The following RAPGEF4 variants were observed in gnomAD, a reference collection of about 807,000 sequenced individuals.
The protein encoded by RAPGEF4 is Rap guanine nucleotide exchange factor 4.
Under a neutral mutation model 147.9 loss-of-function variants are expected in RAPGEF4, and 66 were observed. The ratio of observed to expected loss-of-function variants is 0.45; its 90% CI spans 0.37 to 0.55. The LOEUF (loss-of-function observed/expected upper bound fraction) is 0.55, where lower values mean the gene tolerates loss of function less well. Ranked by LOEUF, RAPGEF4 falls within the 20% of genes least tolerant of loss-of-function variation. The pLI, the probability that RAPGEF4 is intolerant of heterozygous loss-of-function variation, is 0.00. For synonymous variants in RAPGEF4, 419 were observed against 442.7 expected, an observed-to-expected ratio of 0.95 and a Z score of 0.67; for missense variants, 1,071 against 1,257.3, an observed-to-expected ratio of 0.85 and a Z score of 2.24.
chr2:172,972,066 G>T (rs1212074623), intron 10 of RAPGEF4, among the ~76,000 whole-genome samples: 1 of 115,142 alleles, frequency 8.7e-6, no homozygotes, highest in Non-Finnish European at 1.7e-5. Context: ...TGGATTAAAT[G>T]ACATAAAGGC....
intron 4 of RAPGEF4, among the ~76,000 whole-genome samples, chr2:172,914,573 G>A (rs534191455): frequency 1.3e-5 from 2 of 151,456 alleles, no homozygotes; most frequent in South Asian, 4.2e-4. Context: ...GAGGGAGGAA[G>A]GGAAGGAGGG....
At chr2:172,775,539 A>C (rs1684077882) in intron 1 of RAPGEF4, among the ~76,000 whole-genome samples, 1 of 152,202 alleles carries the variant, frequency 6.6e-6, no homozygotes, top group Non-Finnish European at 1.5e-5. Context: ...AGTGAGGCAT[A>C]TTGGAAATTT....
chr2:172,738,680 C>T (rs754317078), intron 1 of RAPGEF4, among the ~76,000 whole-genome samples: 1 of 152,008 alleles, frequency 6.6e-6, no homozygotes, highest in Non-Finnish European at 1.5e-5. Context: ...CAACCCTGCA[C>T]AAAAGAGAAA....
intron 1 of RAPGEF4, among the ~76,000 whole-genome samples, chr2:172,740,385 G>A (rs1341263679): frequency 6.6e-6 from 1 of 152,288 alleles, no homozygotes; most frequent in East Asian, 1.9e-4. Context: ...AGTTAACATG[G>A]TTATTCAAAA....
chr2:172,881,618 C>T lies in RAPGEF4; in HGVS notation c.445-36184C>T, dbSNP rs3769282. 9.8e-5 allele frequency among the ~76,000 whole-genome samples: 15 copies of T among 152,302 alleles called. No individual in the cohort carries two copies. In the East Asian group the frequency reaches 2.9e-3, roughly 29 times the overall value. ...AGGTCTTGGATCTGCTAGTTAGTTG[C>T]TGTGTGAGCTCAGTTTCATCTTCTC... On this transcript the variant is annotated intron_variant, in intron 4 of 30. Coordinates refer to ENST00000397081, the MANE Select transcript of RAPGEF4 (RefSeq NM_007023.4).
chr2:172,896,098 T>C (rs1698446887), intron 4 of RAPGEF4, among the ~76,000 whole-genome samples: 1 of 152,196 alleles, frequency 6.6e-6, no homozygotes, highest in Non-Finnish European at 1.5e-5. Flanking sequence ...TATGCCAGAT[T>C]ACATGAACTG....
chr2:172,937,562 C>T (rs1486275112), intron 6 of RAPGEF4, among the ~76,000 whole-genome samples: 1 of 152,110 alleles, frequency 6.6e-6, no homozygotes, highest in Non-Finnish European at 1.5e-5. Flanking sequence ...TTGATGTTGA[C>T]CTTGATCATC....
At chr2:172,814,529 G>A in intron 4 of RAPGEF4, 104 bp downstream of exon 4, 1 of 1,361,980 alleles carries the variant, frequency 7.3e-7, no homozygotes, top group Non-Finnish European at 1.0e-6. Flanking sequence ...GTTCTGTTCT[G>A]AGCTGGTAGA....
At chr2:173,044,435 G>A (rs1685180108) in intron 29 of RAPGEF4, among the ~76,000 whole-genome samples, 1 of 152,162 alleles carries the variant, frequency 6.6e-6, no homozygotes, top group Admixed American at 6.5e-5. Context: ...GCCCCAGGAA[G>A]GACATCTACT....
intron 29 of RAPGEF4, among the ~76,000 whole-genome samples, chr2:173,043,358 G>A (rs1475432054): frequency 6.6e-6 from 1 of 152,182 alleles, no homozygotes; most frequent in African/African-American, 2.4e-5. Context: ...TTGAGGGCAG[G>A]CATTTAGAAG....
intron 21 of RAPGEF4, among the ~76,000 whole-genome samples, chr2:173,018,427 TTG>T (rs1695706219): frequency 2.6e-5 from 4 of 152,188 alleles, no homozygotes; most frequent in Admixed American, 2.6e-4. Flanking sequence ...CCAATATCTC[TTG>T]TTCTTTTAAT....
chr2:172,870,884 C>A (rs932776930), intron 4 of RAPGEF4, among the ~76,000 whole-genome samples: 2 of 152,088 alleles, frequency 1.3e-5, no homozygotes, highest in African/African-American at 4.8e-5. Flanking sequence ...AATATTTTGG[C>A]TTTGATTAAA....
chr2:172,948,848 T>C (rs1213274573), intron 6 of RAPGEF4, among the ~76,000 whole-genome samples: 1 of 152,084 alleles, frequency 6.6e-6, no homozygotes, highest in Non-Finnish European at 1.5e-5. Flanking sequence ...CAATAACTAA[T>C]GGGTACTGGG....
chr2:172,772,367 G>A (rs1683711494), intron 1 of RAPGEF4, among the ~76,000 whole-genome samples: 1 of 151,442 alleles, frequency 6.6e-6, no homozygotes, highest in Non-Finnish European at 1.5e-5. Context: ...TTATTGAGAT[G>A]GAGTCTTGCT....
intron 3 of RAPGEF4, among the ~76,000 whole-genome samples, chr2:172,808,559 C>G (rs1687719048): frequency 6.6e-6 from 1 of 152,094 alleles, no homozygotes; most frequent in Non-Finnish European, 1.5e-5. Flanking sequence ...ATGGATAACC[C>G]ATACATGTTT....
chr2:172,845,961 C>T lies in RAPGEF4; in HGVS notation c.444+31536C>T, dbSNP rs536048576. Among the ~76,000 whole-genome samples, 5 of 152,264 alleles carry T rather than the reference C, an allele frequency of 3.3e-5. No homozygotes were observed. In the South Asian group the frequency reaches 6.2e-4, roughly 19 times the overall value. On this transcript the variant is annotated intron_variant, in intron 4 of 30. Transcript: ENST00000397081. The stretch of plus-strand genomic sequence containing the variant: ...GACACTGGGGTTGGGAATTAAGAGA[C>T]GGAGGGTCTTTTCAAATCTAGGCTC...
At chr2:172,911,758 C>CT (rs34659758) in intron 4 of RAPGEF4, among the ~76,000 whole-genome samples, 768 of 63,236 alleles carry the variant, frequency 0.012, 18 homozygotes, top group African/African-American at 0.021. Flanking sequence ...TGTGCTAAGC[C>CT]TTTTTTTTTT....
chr2:172,925,703 A>G (rs1685219642), intron 6 of RAPGEF4, among the ~76,000 whole-genome samples: 1 of 151,096 alleles, frequency 6.6e-6, no homozygotes, highest in Non-Finnish European at 1.5e-5. Flanking sequence ...TAATTGTATC[A>G]CTAGACAATC....
At chr2:172,988,655 C>G (rs1170091231) in intron 13 of RAPGEF4, 38 bp from the exon 14 acceptor site, 2 of 1,583,820 alleles carry the variant, frequency 1.3e-6, no homozygotes, top group African/African-American at 2.7e-5. Flanking sequence ...TGCTCTATTT[C>G]AGGGATCTTC....
Sources: gnomAD v4.1 joint callset for allele counts (sites outside exome capture counted in the v4.1 genomes callset) on GRCh38, gnomAD v4.1.1 for gene constraint, MANE v1.5 for transcripts, NCBI Gene and HGNC (gene_info 2026-07-23, HGNC 2026-07-21) for gene names.